DAO: variants seen among roughly 807,000 people sequenced by gnomAD.
DAO encodes the protein D-amino-acid oxidase.
A neutral mutation model predicts 50.1 loss-of-function variants in DAO; 51 were observed. The observed-to-expected ratio is 1.02, with a 90% CI of 0.81 to 1.29. DAO has a LOEUF of 1.29. DAO is among the 50% of genes most tolerant of loss of function. The probability of loss-of-function intolerance (pLI) is 0.00; values close to 1 mark genes in which losing one functional copy is unlikely to be tolerated. For missense variants in DAO, 436 were observed against 439.4 expected (o/e 0.99, Z 0.07); for synonymous variants, 160 against 166.2 (o/e 0.96, Z 0.29).
chr12:108,880,463 A>G, intron 1 of DAO: 1 of 288,200 alleles, frequency 3.5e-6, no homozygotes, highest in Non-Finnish European at 6.9e-6. Context: ...CCCCTCTTAC[A>G]GCGTGAGTCT....
At position 108,900,755 on chromosome 12, in the gene DAO, T is replaced by C; in HGVS notation, c.*220T>C. 2.0e-6 allele frequency: 1 copy of C among 499,104 alleles called. No individual in the cohort carries two copies. The highest frequency in any genetic ancestry group is 2.0e-5 in the South Asian group (1 of 49,636). The allele number at this position is 499,104 out of a possible 1,614,324, so 30.9% of individuals were successfully genotyped here. A position where few individuals can be genotyped will look rare whatever the true frequency, so the allele number is the denominator to read the frequency against. ...CCTCTACCTTCTCTGGGTCTGGCAT[T>C]ATAAAGAACAGCTGAGGCTGTCATT... is the stretch of plus-strand genomic sequence containing the variant. On this transcript the variant is annotated 3_prime_UTR_variant, in exon 11 of 11. Transcript: ENST00000228476.
chr12:108,894,128 T>G lies in DAO; in HGVS notation c.508-135T>G. 3 of 692,358 alleles carry G rather than the reference T, an allele frequency of 4.3e-6. No individual in the cohort carries two copies. The South Asian group carries it at 4.9e-5, about 11-fold the overall frequency. 42.9% of individuals were successfully genotyped at this position (692,358 alleles called of 1,614,324 possible). A position where few individuals can be genotyped will look rare whatever the true frequency, so the allele number is the denominator to read the frequency against. ...AAAATTTGAAGCCAGGCCCCTCTGA[T>G]TCCTCATTGAGACCTCTCCCCACTG... On this transcript the variant is annotated intron_variant, in intron 6 of 10. Coordinates refer to ENST00000228476, the MANE Select transcript of DAO (RefSeq NM_001917.5).
At chr12:108,890,300 G>A (rs754353792) in intron 5 of DAO, 27 bp downstream of exon 5, 90 of 1,588,402 alleles carry the variant, frequency 5.7e-5, no homozygotes, top group Admixed American at 1.3e-4. Flanking sequence ...CACTTTGAGG[G>A]AGGTACCTCC....
chr12:108,881,535 G>C (rs1187797825), intron 1 of DAO, among the ~76,000 whole-genome samples: 2 of 147,888 alleles, frequency 1.4e-5, no homozygotes, highest in Non-Finnish European at 3.0e-5. Context: ...TGTCAACTTT[G>C]ACTCATATCT....
At position 108,899,555 on chromosome 12, in the gene DAO, T is replaced by C. The variant is rs969152111; in HGVS notation, c.912+80T>C. On this transcript the variant is annotated intron_variant, in intron 10 of 10. Transcript: ENST00000228476. The stretch of plus-strand genomic sequence containing the variant: ...GGCATTTTCAGGGAACAGTCATGTC[T>C]GATCTCAAGTTCCACACAGGCTCCA... 28 of 1,213,810 alleles carry C rather than the reference T, an allele frequency of 2.3e-5. No individual in the cohort carries two copies. The Admixed American group carries it at 5.0e-4, about 22-fold the overall frequency. 75.2% of individuals were successfully genotyped at this position (1,213,810 alleles called of 1,614,324 possible).
intron 5 of DAO, among the ~76,000 whole-genome samples, chr12:108,892,417 C>A (rs894861585): frequency 1.3e-5 from 2 of 152,030 alleles, no homozygotes; most frequent in African/African-American, 4.8e-5. Context: ...CCGCCCACCT[C>A]GGCCTCCCAA....
At chr12:108,883,070 C>A (rs1019546566) in intron 1 of DAO, among the ~76,000 whole-genome samples, 2 of 151,838 alleles carry the variant, frequency 1.3e-5, no homozygotes, top group Non-Finnish European at 2.9e-5. Flanking sequence ...AGTCAAAAAG[C>A]CCAGAGAGGG....
At chr12:108,882,435 C>T (rs1277267339) in intron 1 of DAO, among the ~76,000 whole-genome samples, 1 of 152,170 alleles carries the variant, frequency 6.6e-6, no homozygotes, top group Non-Finnish European at 1.5e-5. Context: ...ATCACCTGAA[C>T]CCGGGAGGCA....
chr12:108,889,525 G>A lies in DAO; in HGVS notation c.366G>A (p.Leu122=), dbSNP rs757762951. 1.2e-6 allele frequency: 2 copies of A among 1,613,002 alleles called. No individual in the cohort carries two copies. Among genetic ancestry groups the A allele is most frequent in the Non-Finnish European group, 1.7e-6 (2 of 1,179,296 alleles). The change falls in exon 4 of 11, where the codon CTG becomes CTA. Residue 122 remains leucine (L), a synonymous_variant. Transcript: ENST00000228476. ...TTCGGAAGCTGACCCCCAGAGAGCT[G>A]GATATGTTCCCAGATTACGGGTGAG... ...LGFRKLTPRE[L]DMFPDYGYGW...
chr12:108,887,457 A>G lies in DAO; in HGVS notation c.202A>G (p.Ser68Gly), dbSNP rs2039446831. 6.2e-7 allele frequency: 1 copy of G among 1,613,492 alleles called. No individual in the cohort carries two copies. Among genetic ancestry groups the G allele is most frequent in the Non-Finnish European group, 8.5e-7 (1 of 1,179,590 alleles). Residue 68 changes from serine to glycine, a missense_variant, in exon 3 of 11, where the codon AGC (serine) becomes GGC (glycine). By Grantham distance (56) the Ser-to-Gly change is moderately conservative. Coordinates refer to ENST00000228476, the MANE Select transcript of DAO (RefSeq NM_001917.5). Reference protein sequence around the residue: ...DPNNPQEADWSQQTFDYLLSH... With the variant: ...DPNNPQEADWGQQTFDYLLSH... Reference sequence around the variant, plus strand: ...TCTTCATGACCCTTCCAGGGACTGGAGCCAACAGACCTTTGACTATCTCCT... The same window carrying G: ...TCTTCATGACCCTTCCAGGGACTGGGGCCAACAGACCTTTGACTATCTCCT...
At chr12:108,895,128 G>A (rs1393023977) in intron 7 of DAO, among the ~76,000 whole-genome samples, 1 of 151,674 alleles carries the variant, frequency 6.6e-6, no homozygotes, top group East Asian at 1.9e-4. Flanking sequence ...TAAGTAACAG[G>A]CACAAGTTCA....
intron 5 of DAO, among the ~76,000 whole-genome samples, chr12:108,891,449 C>CAA (rs35572480): frequency 1.8e-5 from 2 of 111,904 alleles, no homozygotes; most frequent in South Asian, 2.7e-4. Context: ...GACCCTGTCT[C>CAA]AAAAAAAAAA....
intron 5 of DAO, among the ~76,000 whole-genome samples, chr12:108,891,159 G>T (rs1219376783): frequency 2.6e-5 from 4 of 151,952 alleles, no homozygotes. Flanking sequence ...GTTTTTTAAA[G>T]ATTTTTAGGC....
At chr12:108,894,240 A>G in intron 6 of DAO, 23 bp from the exon 7 acceptor site, 1 of 1,589,830 alleles carries the variant, frequency 6.3e-7, no homozygotes, top group Non-Finnish European at 8.6e-7. Flanking sequence ...TTCATCCCCC[A>G]CTACCCTGTT....
intron 4 of DAO, 97 bp downstream of exon 4, chr12:108,889,642 C>T: frequency 1.1e-6 from 1 of 948,264 alleles, no homozygotes; most frequent in Non-Finnish European, 1.7e-6. Flanking sequence ...ATTTCCTGTC[C>T]TACCCAGGCC....
chr12:108,897,804 G>A (rs775377855), intron 8 of DAO, among the ~76,000 whole-genome samples: 4 of 151,994 alleles, frequency 2.6e-5, no homozygotes, highest in Admixed American at 6.6e-5. Flanking sequence ...AAAATTAGCC[G>A]GGCGTGATGG....
At chr12:108,895,267 A>ATG (rs377729036) in intron 7 of DAO, among the ~76,000 whole-genome samples, 4,058 of 144,438 alleles carry the variant, frequency 0.028, 156 homozygotes, top group African/African-American at 0.097. Context: ...GTGTGCATGT[A>ATG]TGTGTGTGTG....
chr12:108,894,962 C>T (rs193062046), intron 7 of DAO, among the ~76,000 whole-genome samples: 1 of 152,198 alleles, frequency 6.6e-6, no homozygotes, highest in Non-Finnish European at 1.5e-5. Flanking sequence ...GTGATCCCCC[C>T]ACCTTGGCCT....
intron 10 of DAO, 73 bp downstream of exon 10, chr12:108,899,548 T>G: frequency 7.9e-7 from 1 of 1,260,752 alleles, no homozygotes. Flanking sequence ...CAGGGAACAG[T>G]CATGTCTGAT....
Sources: gnomAD v4.1 joint callset for allele counts (sites outside exome capture counted in the v4.1 genomes callset) on GRCh38, gnomAD v4.1.1 for gene constraint, MANE v1.5 for transcripts, NCBI Gene and HGNC (gene_info 2026-07-23, HGNC 2026-07-21) for gene names.